The following MPPED1 variants were observed in gnomAD, a reference collection of about 807,000 sequenced individuals.
MPPED1 encodes the protein metallophosphoesterase domain containing 1.
MPPED1 carries 16 observed loss-of-function variants against 36.2 expected under a neutral mutation model. The observed-to-expected ratio is 0.44, with a 90% CI of 0.30 to 0.67. MPPED1 has a LOEUF of 0.67. Among genes scored for constraint, MPPED1 ranks in the 30% least tolerant of loss-of-function variants. The pLI is 0.10. For synonymous variants in MPPED1, 199 were observed against 191.3 expected, an observed-to-expected ratio of 1.04 and a Z score of -0.33; for missense variants, 307 against 453.4, an observed-to-expected ratio of 0.68 and a Z score of 2.93.
chr22:43,425,467 A>T (rs1474585750), intron 2 of MPPED1, among the ~76,000 whole-genome samples: 1 of 152,228 alleles, frequency 6.6e-6, no homozygotes, highest in Non-Finnish European at 1.5e-5. Context: ...CAAATATTTA[A>T]AGATGAGGTG....
chr22:43,504,855 AGATGAT>A (rs141560858), intron 6 of MPPED1, among the ~76,000 whole-genome samples: 4 of 148,994 alleles, frequency 2.7e-5, no homozygotes, highest in African/African-American at 5.0e-5. Context: ...GCATTAGTGA[AGATGAT>A]GATGATGGTG....
At chr22:43,500,268 ATGGAGGTGGC>A (rs1932659072) in intron 5 of MPPED1, among the ~76,000 whole-genome samples, 1 of 19,316 alleles carries the variant, frequency 5.2e-5, no homozygotes, top group Non-Finnish European at 9.3e-5. Flanking sequence ...GGTGATGGTG[ATGGAGGTGGC>A]GGTGGTGATG....
intron 5 of MPPED1, among the ~76,000 whole-genome samples, chr22:43,500,031 G>A (rs1602026131): frequency 1.1e-5 from 1 of 93,366 alleles, no homozygotes; most frequent in African/African-American, 5.4e-5. Context: ...GGTGGTGGTG[G>A]TGAGGGAGGT....
At chr22:43,432,491 AGG>A (rs1929744696) in intron 2 of MPPED1, among the ~76,000 whole-genome samples, 5 of 127,830 alleles carry the variant, frequency 3.9e-5, no homozygotes, top group Admixed American at 3.9e-4. Context: ...GAGGAGAGAA[AGG>A]GAGGAGAGAG....
intron 5 of MPPED1, among the ~76,000 whole-genome samples, chr22:43,499,526 A>ATGGTGGTGG: frequency 1.8e-5 from 1 of 54,072 alleles, no homozygotes; most frequent in Non-Finnish European, 3.7e-5. Flanking sequence ...GGTGGTGGTG[A>ATGGTGGTGG]TGGAGGTGGT....
chr22:43,497,952 T>TATATATATATATATATATA, intron 4 of MPPED1, among the ~76,000 whole-genome samples: 1 of 73,748 alleles, frequency 1.4e-5, no homozygotes, highest in African/African-American at 1.4e-4. Flanking sequence ...TATATATGTA[T>TATATATATATATATATATA]TTAGCTTTCT....
At chr22:43,412,244 C>A in intron 1 of MPPED1, 86 bp downstream of exon 1, 1 of 828,420 alleles carries the variant, frequency 1.2e-6, no homozygotes, top group Non-Finnish European at 1.5e-6. Context: ...AGGCGCTGGG[C>A]GACGCCCGCG....
intron 3 of MPPED1, among the ~76,000 whole-genome samples, chr22:43,436,220 A>G (rs556709428): frequency 1.3e-5 from 2 of 152,370 alleles, no homozygotes; most frequent in Admixed American, 1.3e-4. Flanking sequence ...CGGGGAAGAC[A>G]GATGGATGGC....
intron 4 of MPPED1, among the ~76,000 whole-genome samples, chr22:43,492,607 C>T (rs1410275505): frequency 1.3e-5 from 2 of 152,194 alleles, no homozygotes; most frequent in African/African-American, 4.8e-5. Flanking sequence ...TTTCCTCTCA[C>T]AGGCCTGGGG....
intron 4 of MPPED1, among the ~76,000 whole-genome samples, chr22:43,475,952 A>G (rs114267887): frequency 0.01 from 1,473 of 146,168 alleles, 26 homozygotes; most frequent in African/African-American, 0.036. Flanking sequence ...TGATGTGATG[A>G]TGGTAATGAG....
At chr22:43,504,651 G>A (rs1042824489) in intron 6 of MPPED1, among the ~76,000 whole-genome samples, 8 of 151,794 alleles carry the variant, frequency 5.3e-5, no homozygotes, top group Non-Finnish European at 8.8e-5. Context: ...TGAGAATGGC[G>A]ATGACAATGA....
intron 2 of MPPED1, among the ~76,000 whole-genome samples, chr22:43,433,250 C>G (rs1235133484): frequency 6.6e-6 from 1 of 152,228 alleles, no homozygotes; most frequent in East Asian, 1.9e-4. Flanking sequence ...AGGGCCTTCT[C>G]TGCGCCCTGT....
chr22:43,472,293 C>T (rs2146882078), intron 3 of MPPED1, among the ~76,000 whole-genome samples: 1 of 152,294 alleles, frequency 6.6e-6, no homozygotes, highest in East Asian at 1.9e-4. Flanking sequence ...GTCTGGCCTG[C>T]CTGCTTCTAG....
chr22:43,475,110 G>A, intron 4 of MPPED1, 149 bp downstream of exon 4: 1 of 672,932 alleles, frequency 1.5e-6, no homozygotes, highest in Non-Finnish European at 2.5e-6. Flanking sequence ...GTGTGACCTA[G>A]GCAGGTCACC....
chr22:43,473,184 T>G (rs1931433859), intron 3 of MPPED1, among the ~76,000 whole-genome samples: 1 of 152,248 alleles, frequency 6.6e-6, no homozygotes, highest in African/African-American at 2.4e-5. Flanking sequence ...CCTGGGCTGC[T>G]GTGTTGTCCC....
intron 4 of MPPED1, among the ~76,000 whole-genome samples, chr22:43,479,349 A>G (rs1275738843): frequency 6.6e-6 from 1 of 152,234 alleles, no homozygotes; most frequent in Admixed American, 6.5e-5. Flanking sequence ...AAACACTAGC[A>G]ATGAGTGACC....
intron 4 of MPPED1, among the ~76,000 whole-genome samples, chr22:43,492,728 TTTC>T (rs1406846267): frequency 6.6e-6 from 1 of 152,170 alleles, no homozygotes; most frequent in African/African-American, 2.4e-5. Flanking sequence ...GGGGACTTGC[TTTC>T]TTCTTCTCCC....
intron 1 of MPPED1, among the ~76,000 whole-genome samples, chr22:43,419,710 A>T (rs1378027469): frequency 6.7e-6 from 1 of 149,128 alleles, no homozygotes; most frequent in Non-Finnish European, 1.5e-5. Context: ...TGGGGGGTCA[A>T]GACCGCCAGG....
chr22:43,449,914 G>A (rs1467680988), intron 3 of MPPED1, among the ~76,000 whole-genome samples: 1 of 152,226 alleles, frequency 6.6e-6, no homozygotes, highest in Non-Finnish European at 1.5e-5. Context: ...CATCCCTCCT[G>A]AGCGAGGTGG....
Sources: allele counts gnomAD v4.1 joint callset (sites outside exome capture counted in the v4.1 genomes callset), GRCh38; gene constraint gnomAD v4.1.1; transcripts MANE v1.5; gene names NCBI Gene and HGNC (gene_info 2026-07-23, HGNC 2026-07-21).